MARK4: variants seen among roughly 807,000 people sequenced by gnomAD.
MARK4 encodes the protein MAP/microtubule affinity-regulating kinase 4.
In MARK4, 19 loss-of-function variants were observed where a neutral mutation model predicts 81.5. The observed-to-expected ratio is 0.23, with a 90% CI of 0.16 to 0.34. The LOEUF is 0.34. Among genes scored for constraint, MARK4 ranks in the 10% least tolerant of loss-of-function variants. The pLI, the probability that MARK4 is intolerant of heterozygous loss-of-function variation, is 1.00. For missense variants in MARK4, 772 were observed against 1,058.8 expected, an observed-to-expected ratio of 0.73 and a Z score of 3.76; for synonymous variants, 436 against 439.0, an observed-to-expected ratio of 0.99 and a Z score of 0.08.
chr19:45,280,771 C>T, intron 12 of MARK4, 37 bp downstream of exon 12: 1 of 1,608,346 alleles, frequency 6.2e-7, no homozygotes, highest in South Asian at 1.1e-5. Context: ...CACCCTCCTT[C>T]TCCCCAAGGC....
intron 6 of MARK4, 79 bp from the exon 7 acceptor site, chr19:45,266,146 G>C: frequency 7.0e-7 from 1 of 1,436,492 alleles, no homozygotes; most frequent in Non-Finnish European, 9.8e-7. Context: ...GGGCCCAGCT[G>C]TGAGTGGTTT....
At chr19:45,288,829 G>A (rs1970783017) in intron 13 of MARK4, among the ~76,000 whole-genome samples, 1 of 134,258 alleles carries the variant, frequency 7.4e-6, no homozygotes, top group African/African-American at 2.9e-5. Context: ...CAGTCTGGGT[G>A]ACAGAGCAAG....
At chr19:45,259,229 G>A (rs756669253) in intron 2 of MARK4, 40 bp downstream of exon 2, 13 of 1,603,084 alleles carry the variant, frequency 8.1e-6, no homozygotes, top group South Asian at 1.1e-5. Flanking sequence ...GCAGGTCCCT[G>A]TGGGACCAGG....
chr19:45,294,102 G>A (rs1034557897), intron 13 of MARK4, among the ~76,000 whole-genome samples: 6 of 152,134 alleles, frequency 3.9e-5, no homozygotes, highest in Non-Finnish European at 8.8e-5. Context: ...AACCTTCCCT[G>A]CCTCGTTTTC....
Position 45,295,694 on chromosome 19 carries a change from G to A in MARK4, c.1598+1242G>A, listed in dbSNP as rs141274270. 5.6e-4 allele frequency among the ~76,000 whole-genome samples: 85 copies of A among 152,168 alleles called. 1 individual carries two copies. Among genetic ancestry groups the A allele is most frequent in the African/African-American group, 1.9e-3 (79 of 41,530 alleles). Reference sequence around the variant, plus strand: ...GAAGGCTGAATGAGGCAGGAGAATCGCTTGAACCTGGGAGGCAGAGGTTGC... The same window carrying A: ...GAAGGCTGAATGAGGCAGGAGAATCACTTGAACCTGGGAGGCAGAGGTTGC... On this transcript the variant is annotated intron_variant, in intron 14 of 16. Transcript: ENST00000262891.
intron 4 of MARK4, 92 bp from the exon 5 acceptor site, chr19:45,264,592 G>C: frequency 8.5e-7 from 1 of 1,181,450 alleles, no homozygotes; most frequent in Non-Finnish European, 1.2e-6. Flanking sequence ...TGGGGTGGGG[G>C]TGTTATGGTT....
At chr19:45,282,826 C>T (rs575038850) in intron 12 of MARK4, among the ~76,000 whole-genome samples, 135 of 150,874 alleles carry the variant, frequency 8.9e-4, no homozygotes, top group African/African-American at 3.0e-3. Flanking sequence ...TCCGCCACCC[C>T]GCCCCCTAAA....
At chr19:45,275,904 C>T (rs1016719905) in intron 8 of MARK4, among the ~76,000 whole-genome samples, 7 of 152,234 alleles carry the variant, frequency 4.6e-5, no homozygotes. Flanking sequence ...AGAGGCTCCC[C>T]AGGCATGGGC....
At chr19:45,295,362 A>C (rs999224753) in intron 14 of MARK4, among the ~76,000 whole-genome samples, 1 of 151,980 alleles carries the variant, frequency 6.6e-6, no homozygotes, top group Non-Finnish European at 1.5e-5. Flanking sequence ...CCATCTCAAA[A>C]AAAAAAAGTC....
At position 45,302,770 on chromosome 19, in the gene MARK4, A is replaced by G; in HGVS notation, c.*60A>G. ...CCCTTGTCGCCTTCACTTCTACAGG[A>G]GGGGAAGGGGCCAGGGAGGGGATTC... On this transcript the variant is annotated 3_prime_UTR_variant, in exon 17 of 17. Coordinates refer to ENST00000262891, the MANE Select transcript of MARK4 (RefSeq NM_001199867.2). This position sits in a 1 kb window ranked among gnomAD's most constrained non-coding sequence, Gnocchi z 4.9. 1 of 1,527,102 alleles carries G rather than the reference A, an allele frequency of 6.5e-7. No homozygotes were observed. Among genetic ancestry groups the G allele is most frequent in the Non-Finnish European group, 8.8e-7 (1 of 1,142,560 alleles). The allele number at this position is 1,527,102 out of a possible 1,614,324, so 94.6% of individuals were successfully genotyped here. A position where few individuals can be genotyped will look rare whatever the true frequency, so the allele number is the denominator to read the frequency against.
At chr19:45,272,189 G>A (rs1489364457) in intron 8 of MARK4, among the ~76,000 whole-genome samples, 3 of 152,072 alleles carry the variant, frequency 2.0e-5, no homozygotes, top group Admixed American at 1.3e-4. Context: ...AAAATTAACC[G>A]GGCATAATGG....
chr19:45,260,206 A>G (rs528967099), intron 2 of MARK4, among the ~76,000 whole-genome samples: 1 of 152,022 alleles, frequency 6.6e-6, no homozygotes. Context: ...CCTGGCCAAC[A>G]TGGTAAAACC....
chr19:45,298,357 C>A, intron 15 of MARK4: 1 of 934,472 alleles, frequency 1.1e-6, no homozygotes, highest in Non-Finnish European at 1.7e-6. Flanking sequence ...CATTTACTCA[C>A]AGAAGCACAG....
chr19:45,288,870 C>T (rs1275290210), intron 13 of MARK4, among the ~76,000 whole-genome samples: 2 of 113,968 alleles, frequency 1.8e-5, no homozygotes, highest in South Asian at 2.7e-4. Flanking sequence ...AAAAAAAAGT[C>T]GTGGGAAGCA....
At chr19:45,257,917 C>T (rs1219893917) in intron 1 of MARK4, among the ~76,000 whole-genome samples, 2 of 150,392 alleles carry the variant, frequency 1.3e-5, no homozygotes, top group Non-Finnish European at 3.0e-5. Context: ...TCTCAATCTC[C>T]TGACCTCGTG....
At chr19:45,294,296 C>A in intron 13 of MARK4, 53 bp from the exon 14 acceptor site, 2 of 1,540,470 alleles carry the variant, frequency 1.3e-6, no homozygotes, top group Non-Finnish European at 1.8e-6. Context: ...GAGGGAGAAG[C>A]TCAGGGGCAT....
intron 1 of MARK4, among the ~76,000 whole-genome samples, chr19:45,258,364 C>T (rs1271553562): frequency 2.6e-5 from 4 of 152,054 alleles, no homozygotes; most frequent in Admixed American, 1.3e-4. Context: ...TGCTTTATTG[C>T]GGTGGTCTGG....
intron 15 of MARK4, among the ~76,000 whole-genome samples, chr19:45,298,973 G>A (rs1970928696): frequency 6.6e-6 from 1 of 151,634 alleles, no homozygotes; most frequent in Non-Finnish European, 1.5e-5. Context: ...GGAATTGGGA[G>A]GCCGAGGCAG....
chr19:45,274,634 A>AAAACAAAACAAAACAAAC (rs1970575763), intron 8 of MARK4, among the ~76,000 whole-genome samples: 1 of 152,126 alleles, frequency 6.6e-6, no homozygotes, highest in Non-Finnish European at 1.5e-5. Flanking sequence ...CTGTCTCAAA[A>AAAACAAAACAAAACAAAC]AAACAAAACA....
Sources: gnomAD v4.1 joint callset for allele counts (sites outside exome capture counted in the v4.1 genomes callset) on GRCh38, gnomAD v4.1.1 for gene constraint, Gnocchi (gnomAD v3.1) non-coding constraint, MANE v1.5 for transcripts, NCBI Gene and HGNC (gene_info 2026-07-23, HGNC 2026-07-21) for gene names.